STIM1: variants seen among roughly 807,000 people sequenced by gnomAD.
STIM1 encodes stromal interaction molecule 1.
Under a neutral mutation model 74.7 loss-of-function variants are expected in STIM1, and 25 were observed. That is an observed-to-expected ratio of 0.33 (90% CI 0.24 to 0.47). STIM1 has a LOEUF of 0.47. Ranked by LOEUF, STIM1 falls within the 20% of genes least tolerant of loss-of-function variation. STIM1 has a pLI of 1.00. For synonymous variants in STIM1, 328 were observed against 348.8 expected, an observed-to-expected ratio of 0.94 and a Z score of 0.66; for missense variants, 728 against 920.8, an observed-to-expected ratio of 0.79 and a Z score of 2.71.
Position 3,895,841 on chromosome 11 carries a change from CTCTT to C in STIM1, c.139+39444_139+39447del, listed in dbSNP as rs1233625580. On this transcript the variant is annotated intron_variant, in intron 1 of 12. Coordinates refer to ENST00000526596, the MANE Select transcript of STIM1 (RefSeq NM_001382567.1). ...CCTTCTTTCTTTTCTTTCTTTCTTT[CTCTT>C]TCTTTCTTTCTCTCTCTCTCTCTTT... 1.1e-4 allele frequency among the ~76,000 whole-genome samples: 12 copies of C among 111,494 alleles called. 3 individuals carry two copies. The highest frequency in any genetic ancestry group is 4.7e-4 in the African/African-American group (11 of 23,300). 73.1% of individuals were successfully genotyped at this position (111,494 alleles called of 152,430 possible).
At chr11:4,078,399 A>C (rs907409776) in intron 7 of STIM1, among the ~76,000 whole-genome samples, 2 of 152,072 alleles carry the variant, frequency 1.3e-5, no homozygotes, top group African/African-American at 4.8e-5. Flanking sequence ...CCCAGTGGAG[A>C]TCTTCTACAT....
At chr11:4,062,398 TC>T (rs2133120687) in intron 5 of STIM1, among the ~76,000 whole-genome samples, 1 of 152,292 alleles carries the variant, frequency 6.6e-6, no homozygotes, top group East Asian at 1.9e-4. Context: ...GGTGGGCAGA[TC>T]ACCTGAGGAC....
At chr11:4,001,556 A>G (rs916343475) in intron 2 of STIM1, among the ~76,000 whole-genome samples, 1 of 152,220 alleles carries the variant, frequency 6.6e-6, no homozygotes, top group Non-Finnish European at 1.5e-5. Context: ...TGTCACCACC[A>G]GGTCTGCCCT....
chr11:3,906,451 A>C (rs929962500), intron 1 of STIM1, among the ~76,000 whole-genome samples: 3 of 152,174 alleles, frequency 2.0e-5, no homozygotes, highest in Non-Finnish European at 4.4e-5. Flanking sequence ...TTTATTATGG[A>C]GCTAGTTAAT....
At chr11:3,893,370 AT>A (rs1355619493) in intron 1 of STIM1, among the ~76,000 whole-genome samples, 1 of 152,240 alleles carries the variant, frequency 6.6e-6, no homozygotes, top group Non-Finnish European at 1.5e-5. Context: ...TTTACCTACA[AT>A]AAAAGTGTCT....
At chr11:3,887,919 G>A (rs1261163652) in intron 1 of STIM1, among the ~76,000 whole-genome samples, 1 of 149,682 alleles carries the variant, frequency 6.7e-6, no homozygotes, top group Non-Finnish European at 1.5e-5. Context: ...GCAATGAGTG[G>A]AGATCGCACC....
intron 1 of STIM1, among the ~76,000 whole-genome samples, chr11:3,877,155 T>C (rs2091331821): frequency 6.6e-6 from 1 of 152,020 alleles, no homozygotes; most frequent in African/African-American, 2.4e-5. Context: ...GTGATGGGAG[T>C]GCAGGGGAAA....
intron 2 of STIM1, among the ~76,000 whole-genome samples, chr11:4,021,492 A>G (rs1255854616): frequency 6.6e-6 from 1 of 152,182 alleles, no homozygotes; most frequent in South Asian, 2.1e-4. Flanking sequence ...TCCAAAATCA[A>G]TTGGCTATAC....
chr11:3,902,819 T>C (rs573402301), intron 1 of STIM1, among the ~76,000 whole-genome samples: 14 of 152,248 alleles, frequency 9.2e-5, no homozygotes, highest in African/African-American at 3.4e-4. Context: ...GAAGGTAGCA[T>C]TGCCAGAAGG....
intron 1 of STIM1, among the ~76,000 whole-genome samples, chr11:3,934,689 C>T (rs1390322906): frequency 1.3e-5 from 2 of 152,238 alleles, no homozygotes; most frequent in East Asian, 1.9e-4. Flanking sequence ...TTGTGTACAA[C>T]TATCTTGTGT....
chr11:3,971,692 G>T (rs2093397651), intron 2 of STIM1, among the ~76,000 whole-genome samples: 1 of 152,186 alleles, frequency 6.6e-6, no homozygotes, highest in Non-Finnish European at 1.5e-5. Context: ...TCCCTGCCAG[G>T]ACAAACCAAT....
In STIM1 at chr11:3,857,096, G is replaced by GTTTTTTTTTTTT. The variant is rs1397784537; in HGVS notation, c.139+698_139+699insTTTTTTTTTTTT. Among the ~76,000 whole-genome samples, 2 of 77,978 alleles carry GTTTTTTTTTTTT rather than the reference G, an allele frequency of 2.6e-5. 1 individual carries two copies. 51.2% of individuals were successfully genotyped at this position (77,978 alleles called of 152,430 possible). On this transcript the variant is annotated intron_variant, in intron 1 of 12. Transcript: ENST00000526596. ...TGAGGGTGGGAATTCCATGCTACAG[G>GTTTTTTTTTTTT]TTTTTTTTTTTGTTTTTTTTTTTTT...
chr11:4,013,373 G>A (rs1047283653), intron 2 of STIM1, among the ~76,000 whole-genome samples: 6 of 152,064 alleles, frequency 3.9e-5, no homozygotes, highest in Admixed American at 6.6e-5. Context: ...TTGGTTGGTA[G>A]GCTATTAATT....
At chr11:3,884,361 C>T (rs2091628184) in intron 1 of STIM1, among the ~76,000 whole-genome samples, 2 of 152,160 alleles carry the variant, frequency 1.3e-5, no homozygotes, top group African/African-American at 4.8e-5. Context: ...GTTTGGCTTT[C>T]CCTTTCCCAA....
chr11:4,091,177 A>C, intron 12 of STIM1, 105 bp from the exon 13 acceptor site: 1 of 1,524,082 alleles, frequency 6.6e-7, no homozygotes, highest in Non-Finnish European at 9.0e-7. Context: ...CCATTTTCCT[A>C]CCCTGTCCTT....
intron 1 of STIM1, among the ~76,000 whole-genome samples, chr11:3,958,560 G>T (rs981993450): frequency 2.0e-5 from 3 of 152,166 alleles, no homozygotes; most frequent in Non-Finnish European, 4.4e-5. Flanking sequence ...TAGCCTAGGG[G>T]TATGACTCCT....
At chr11:4,015,257 T>C (rs970261027) in intron 2 of STIM1, among the ~76,000 whole-genome samples, 3 of 152,232 alleles carry the variant, frequency 2.0e-5, no homozygotes, top group African/African-American at 4.8e-5. Context: ...GTGACAAAAT[T>C]TCTCAGCATT....
intron 2 of STIM1, among the ~76,000 whole-genome samples, chr11:4,017,911 A>C (rs900948230): frequency 4.6e-5 from 7 of 152,188 alleles, no homozygotes; most frequent in African/African-American, 1.7e-4. Flanking sequence ...ACTTTTTAAC[A>C]CAGTATCCAG....
At chr11:3,995,811 CTT>C (rs71466144) in intron 2 of STIM1, among the ~76,000 whole-genome samples, 60,183 of 137,594 alleles carry the variant, frequency 0.44, 13,984 homozygotes, top group East Asian at 0.61. Context: ...CACCTGGCTT[CTT>C]TTTTTTTTTT....
Sources: gnomAD v4.1 joint callset for allele counts (sites outside exome capture counted in the v4.1 genomes callset) on GRCh38, gnomAD v4.1.1 for gene constraint, MANE v1.5 for transcripts, NCBI Gene and HGNC (gene_info 2026-07-23, HGNC 2026-07-21) for gene names.